Variants in ANKLE2 observed in about 807,000 individuals in gnomAD.
ANKLE2 encodes ankyrin repeat and LEM domain-containing protein 2.
ANKLE2 carries 55 observed loss-of-function variants against 84.2 expected under a neutral mutation model. The ratio of observed to expected loss-of-function variants is 0.65; its 90% CI spans 0.53 to 0.82. The LOEUF is 0.82. Among genes scored for constraint, ANKLE2 ranks in the 40% least tolerant of loss-of-function variants. The pLI is 0.00. For synonymous variants in ANKLE2, 551 were observed against 486.1 expected (o/e 1.13, Z -1.76); for missense variants, 1,238 against 1,201.9 (o/e 1.03, Z -0.44).
At position 132,735,520 on chromosome 12, in the gene ANKLE2, G is replaced by A. The variant is rs1566017693; in HGVS notation, c.1594-8C>T. On this transcript the variant is annotated splice_region_variant and splice_polypyrimidine_tract_variant and intron_variant, in intron 8 of 12. Coordinates refer to ENST00000357997, the MANE Select transcript of ANKLE2 (RefSeq NM_015114.3). Reference sequence around the variant, plus strand: ...CTTGCGAAAATCTTCTGCCTATGAAGAAAAAAAAATGTATTGAGCCGTGTC... The same window carrying A: ...CTTGCGAAAATCTTCTGCCTATGAAAAAAAAAAAATGTATTGAGCCGTGTC... The A allele has an allele frequency of 1.0e-5, 16 of 1,588,530 alleles. No homozygotes were observed. The Admixed American group carries it at 1.1e-4, about 11-fold the overall frequency.
chr12:132,748,470 G>T, intron 3 of ANKLE2, 139 bp from the exon 4 acceptor site: 1 of 927,262 alleles, frequency 1.1e-6, no homozygotes, highest in Non-Finnish European at 1.6e-6. Flanking sequence ...GAAAAGACGA[G>T]AAGGGCCCAC....
rs750767100 is a variant in ANKLE2, at chr12:132,735,516, T to C, written c.1594-4A>G. ...AGAGCTTGCGAAAATCTTCTGCCTA[T>C]GAAGAAAAAAAAATGTATTGAGCCG... is the stretch of plus-strand genomic sequence containing the variant. On this transcript the variant is annotated splice_region_variant and splice_polypyrimidine_tract_variant and intron_variant, in intron 8 of 12. Coordinates refer to ENST00000357997, the MANE Select transcript of ANKLE2 (RefSeq NM_015114.3). 33 of 1,606,946 alleles carry C rather than the reference T, an allele frequency of 2.1e-5. No individual in the cohort carries two copies. The East Asian group carries it at 5.1e-4, about 25-fold the overall frequency.
At chr12:132,757,747 C>A (rs2044516238) in intron 1 of ANKLE2, 1 of 152,092 alleles carries the variant, frequency 6.6e-6, no homozygotes, top group Admixed American at 6.6e-5. Flanking sequence ...GGTGTGAACC[C>A]AGGGGGCAGA....
Position 132,744,074 on chromosome 12 carries a change from G to A in ANKLE2, c.1231-798C>T, listed in dbSNP as rs111985946. Among the ~76,000 whole-genome samples, 9 of 152,064 alleles carry A rather than the reference G, an allele frequency of 5.9e-5. 1 individual carries two copies. The South Asian group carries it at 1.0e-3, about 18-fold the overall frequency. On this transcript the variant is annotated intron_variant, in intron 5 of 12. Coordinates refer to ENST00000357997, the MANE Select transcript of ANKLE2 (RefSeq NM_015114.3). ...ACGCTGCGTCACGCCCTCCTTCCCC[G>A]GATGGTGTCACAGGTCTCCACACCA...
At position 132,750,685 on chromosome 12, in the gene ANKLE2, G is replaced by A; in HGVS notation, c.805C>T (p.Pro269Ser). The A allele has an allele frequency of 1.2e-6, 2 of 1,614,240 alleles. No individual in the cohort carries two copies. The highest frequency in any genetic ancestry group is 1.1e-5 in the South Asian group (1 of 91,086). The change falls in exon 3 of 13, where the codon CCT becomes TCT. Residue 269 changes from proline to serine, a missense_variant. Coordinates refer to ENST00000357997, the MANE Select transcript of ANKLE2 (RefSeq NM_015114.3). ...CTAAAGAGTGGAGCTGTTTTCACAGGAGACAGTGGTAAGGACGTTTTGCTT... is the reference window on the plus strand; with the variant it reads ...CTAAAGAGTGGAGCTGTTTTCACAGAAGACAGTGGTAAGGACGTTTTGCTT... ...SPSKTSLPLS[P>S]VKTAPLFSND...
At chr12:132,752,352 A>G (rs921861930) in intron 2 of ANKLE2, among the ~76,000 whole-genome samples, 4 of 152,108 alleles carry the variant, frequency 2.6e-5, no homozygotes, top group Admixed American at 2.6e-4. Context: ...TAATAAGTAA[A>G]TAAATAAATA....
chr12:132,726,990 A>C lies in ANKLE2; in HGVS notation c.*252T>G, dbSNP rs1462578065. The C allele has an allele frequency of 2.0e-6, 1 of 505,864 alleles. No homozygotes were observed. The highest frequency in any genetic ancestry group is 3.4e-6 in the Non-Finnish European group (1 of 292,556). The allele number at this position is 505,864 out of a possible 1,614,324, so 31.3% of individuals were successfully genotyped here. A position where few individuals can be genotyped will look rare whatever the true frequency, so the allele number is the denominator to read the frequency against. On this transcript the variant is annotated 3_prime_UTR_variant, in exon 13 of 13. Coordinates refer to ENST00000357997, the MANE Select transcript of ANKLE2 (RefSeq NM_015114.3). ...CAGACCTAGAAATTGCCACCTAAAAAGTCTACCATTACCACATGGATATTT... is the reference window on the plus strand; with the variant it reads ...CAGACCTAGAAATTGCCACCTAAAACGTCTACCATTACCACATGGATATTT...
At chr12:132,761,401 C>G (rs1010646242) in intron 1 of ANKLE2, 1 of 363,114 alleles carries the variant, frequency 2.8e-6, no homozygotes, top group Non-Finnish European at 4.8e-6. Context: ...ACCCCCGAAC[C>G]CGGCGTGGCC....
At chr12:132,728,761 T>C (rs1566008453) in intron 11 of ANKLE2, among the ~76,000 whole-genome samples, 1 of 152,210 alleles carries the variant, frequency 6.6e-6, no homozygotes, top group East Asian at 1.9e-4. Flanking sequence ...GCATTCTCTA[T>C]GGTAGCAGGA....
intron 7 of ANKLE2, chr12:132,738,267 G>A (rs562396282): frequency 6.6e-6 from 1 of 152,418 alleles, no homozygotes; most frequent in African/African-American, 2.4e-5. Flanking sequence ...AACAGATCTG[G>A]AATCACACGG....
chr12:132,761,802 C>T lies in ANKLE2; in HGVS notation c.-4G>A, dbSNP rs1457992895. The T allele has an allele frequency of 8.3e-6, 9 of 1,078,070 alleles. No homozygotes were observed. The highest frequency in any genetic ancestry group is 3.4e-5 in the African/African-American group (2 of 59,074). The allele number at this position is 1,078,070 out of a possible 1,614,324, so 66.8% of individuals were successfully genotyped here. On this transcript the variant is annotated 5_prime_UTR_variant, in exon 1 of 13. Coordinates refer to ENST00000357997, the MANE Select transcript of ANKLE2 (RefSeq NM_015114.3). ...CCGCCAGCCGCGGCCACAGCATCGCCGCCGCCCGGGCCGCAGCCGCCGAGA... is the reference window on the plus strand; with the variant it reads ...CCGCCAGCCGCGGCCACAGCATCGCTGCCGCCCGGGCCGCAGCCGCCGAGA...
At chr12:132,747,669 G>C (rs1362172646) in intron 5 of ANKLE2, among the ~76,000 whole-genome samples, 163 bp downstream of exon 5, 2 of 152,206 alleles carry the variant, frequency 1.3e-5, no homozygotes, top group Non-Finnish European at 2.9e-5. Context: ...GGTGCCCTTT[G>C]TCCAGTGGGA....
At chr12:132,734,006 C>T (rs2043951954) in intron 10 of ANKLE2, 1 of 461,590 alleles carries the variant, frequency 2.2e-6, no homozygotes. Flanking sequence ...CTTCCCAGCA[C>T]TCTAGTGGAT....
chr12:132,752,598 T>TG (rs1374192586), intron 2 of ANKLE2, among the ~76,000 whole-genome samples: 1 of 152,054 alleles, frequency 6.6e-6, no homozygotes, highest in Non-Finnish European at 1.5e-5. Flanking sequence ...CTCGATCTCC[T>TG]GACCTCGTGA....
In ANKLE2 at chr12:132,750,702, GT is replaced by G. The variant is rs746611107; in HGVS notation, c.787del (p.Thr263ArgfsTer8). Reference protein sequence around the residue: ...ICDYFPSPSKTSLPLSPVKTA... With the variant: ...ICDYFPSPSKXSLPLSPVKTA... ...TTTCACAGGAGACAGTGGTAAGGAC[GT>G]TTTGCTTGGAGAAGGGAAATAATCA... is the stretch of plus-strand genomic sequence containing the variant. On this transcript the variant is annotated frameshift_variant, in exon 3 of 13. Transcript: ENST00000357997. LOFTEE classifies it high-confidence loss of function. The G allele has an allele frequency of 6.2e-7, 1 of 1,614,240 alleles. No individual in the cohort carries two copies. The highest frequency in any genetic ancestry group is 1.1e-5 in the South Asian group (1 of 91,092).
intron 2 of ANKLE2, 199 bp from the exon 3 acceptor site, chr12:132,751,048 C>T: frequency 3.5e-6 from 2 of 573,692 alleles, no homozygotes; most frequent in Non-Finnish European, 6.2e-6. Context: ...TGCATATATG[C>T]ATGTAACATG....
intron 7 of ANKLE2, 63 bp from the exon 8 acceptor site, chr12:132,737,128 A>G (rs2044029017): frequency 5.3e-6 from 8 of 1,516,794 alleles, no homozygotes; most frequent in African/African-American, 1.4e-5. Context: ...GGCCTGGGTG[A>G]GCAGGACGGG....
In ANKLE2 at chr12:132,729,735, C is replaced by T; in HGVS notation, c.2427G>A (p.Arg809=). 6.2e-7 allele frequency: 1 copy of T among 1,610,934 alleles called. No homozygotes were observed. Among genetic ancestry groups the T allele is most frequent in the Non-Finnish European group, 8.5e-7 (1 of 1,179,364 alleles). ...TGGTGACCTCGAGCTGATCCTCGTGCCTGGGGCTGCTGGGACTCAAGGACA... is the reference window on the plus strand; with the variant it reads ...TGGTGACCTCGAGCTGATCCTCGTGTCTGGGGCTGCTGGGACTCAAGGACA... ...AKMSLSPSSP[R]HEDQLEVTRE... The change falls in exon 11 of 13, where the codon AGG becomes AGA. Residue 809 remains arginine, a synonymous_variant. Coordinates refer to ENST00000357997, the MANE Select transcript of ANKLE2 (RefSeq NM_015114.3).
Position 132,743,443 on chromosome 12 carries a change from G to A in ANKLE2, c.1231-167C>T, listed in dbSNP as rs2044172019. 6.6e-6 allele frequency among the ~76,000 whole-genome samples: 1 copy of A among 151,522 alleles called. No individual in the cohort carries two copies. The highest frequency in any genetic ancestry group is 1.9e-4 in the East Asian group (1 of 5,170). On this transcript the variant is annotated intron_variant, in intron 5 of 12. Transcript: ENST00000357997. The surrounding 1 kb of genome is among the most constrained non-coding windows in gnomAD (Gnocchi z 4.1). ...CAACCTCTGCCTCCCGGGTTTAACC[G>A]ATTCTCCTGCCTCAGGCTCCCCAGT...
Sources: gnomAD v4.1 joint callset for allele counts (sites outside exome capture counted in the v4.1 genomes callset) on GRCh38, gnomAD v4.1.1 for gene constraint, Gnocchi (gnomAD v3.1) non-coding constraint, MANE v1.5 for transcripts, NCBI Gene and HGNC (gene_info 2026-07-23, HGNC 2026-07-21) for gene names.